VPS13B: variants seen among roughly 807,000 people sequenced by gnomAD.
VPS13B encodes the protein intermembrane lipid transfer protein VPS13B.
VPS13B carries 285 observed loss-of-function variants against 426.4 expected under a neutral mutation model. The ratio of observed to expected loss-of-function variants is 0.67; its 90% CI spans 0.61 to 0.74. VPS13B has a LOEUF of 0.74. Among genes scored for constraint, VPS13B ranks in the 30% least tolerant of loss-of-function variants. VPS13B has a pLI of 0.00. For missense variants in VPS13B, 4,537 were observed against 4,782.6 expected, an observed-to-expected ratio of 0.95 and a Z score of 1.51; for synonymous variants, 1,676 against 1,676.4, an observed-to-expected ratio of 1.00 and a Z score of 0.01.
intron 19 of VPS13B, among the ~76,000 whole-genome samples, chr8:99,325,745 G>GAGGAAACAGAC (rs6150726): frequency 6.6e-6 from 1 of 151,724 alleles, no homozygotes. Context: ...TCACTTTTGG[G>GAGGAAACAGAC]ATATCAGCTT....
Position 99,464,543 on chromosome 8 carries a change from A to G in VPS13B, c.3446-2871A>G, listed in dbSNP as rs537027531. 1.7e-4 allele frequency among the ~76,000 whole-genome samples: 26 copies of G among 152,278 alleles called. 1 individual carries two copies. In the Middle Eastern group the frequency reaches 0.024, roughly 139 times the overall value. The stretch of plus-strand genomic sequence containing the variant: ...CGCAACATTGACAAAAACGTTTTTT[A>G]TATCTATATTATTAAAATTATTTTT... On this transcript the variant is annotated intron_variant, in intron 23 of 61. Coordinates refer to ENST00000357162, the MANE Select transcript of VPS13B (RefSeq NM_152564.5).
intron 21 of VPS13B, among the ~76,000 whole-genome samples, chr8:99,430,659 C>G (rs1406733482): frequency 1.3e-5 from 2 of 151,358 alleles, no homozygotes; most frequent in Non-Finnish European, 2.9e-5. Flanking sequence ...AGAAATCTTC[C>G]TTTTATGTAA....
At chr8:99,313,392 G>A (rs1198423598) in intron 19 of VPS13B, among the ~76,000 whole-genome samples, 1 of 152,192 alleles carries the variant, frequency 6.6e-6, no homozygotes, top group Non-Finnish European at 1.5e-5. Context: ...TAACAGTCAG[G>A]ACCTTCAGCT....
At chr8:99,078,452 C>G (rs1305613890) in intron 3 of VPS13B, among the ~76,000 whole-genome samples, 4 of 151,164 alleles carry the variant, frequency 2.6e-5, no homozygotes, top group Admixed American at 2.0e-4. Flanking sequence ...TGTGATTTCC[C>G]CAGTGGCTTA....
chr8:99,606,277 G>A (rs1049719753), intron 33 of VPS13B, among the ~76,000 whole-genome samples: 4 of 151,920 alleles, frequency 2.6e-5, no homozygotes, highest in East Asian at 1.9e-4. Flanking sequence ...TATTATATTC[G>A]TGTTCTCTTG....
At chr8:99,338,691 A>T (rs1811066666) in intron 19 of VPS13B, among the ~76,000 whole-genome samples, 1 of 152,148 alleles carries the variant, frequency 6.6e-6, no homozygotes, top group East Asian at 1.9e-4. Context: ...ACATGGAAGC[A>T]TTATTTTGAA....
intron 17 of VPS13B, among the ~76,000 whole-genome samples, chr8:99,201,793 TTC>T: frequency 6.6e-6 from 1 of 152,360 alleles, no homozygotes; most frequent in South Asian, 2.1e-4. Flanking sequence ...GTCTTACTAT[TTC>T]TGTTGCGCAT....
intron 19 of VPS13B, chr8:99,341,063 A>G: frequency 3.7e-6 from 1 of 268,868 alleles, no homozygotes; most frequent in Non-Finnish European, 7.5e-6. Flanking sequence ...CTGATGCGGT[A>G]GTGTAATCAA....
At chr8:99,212,635 A>T in intron 17 of VPS13B, among the ~76,000 whole-genome samples, 1 of 147,502 alleles carries the variant, frequency 6.8e-6, no homozygotes, top group East Asian at 2.0e-4. Flanking sequence ...TTACCATATG[A>T]TTTAAGCTGA....
chr8:99,690,425 C>A (rs1249682051), intron 35 of VPS13B, among the ~76,000 whole-genome samples: 2 of 152,136 alleles, frequency 1.3e-5, no homozygotes, highest in African/African-American at 4.8e-5. Flanking sequence ...ACCAAAAGCA[C>A]AAGCAAAATA....
intron 30 of VPS13B, among the ~76,000 whole-genome samples, chr8:99,547,557 A>G (rs1362279695): frequency 6.6e-6 from 1 of 152,082 alleles, no homozygotes; most frequent in Non-Finnish European, 1.5e-5. Flanking sequence ...ATGGTTCAAC[A>G]TGAGCTGTTC....
chr8:99,583,732 G>A (rs947588250), intron 33 of VPS13B, among the ~76,000 whole-genome samples: 1 of 152,158 alleles, frequency 6.6e-6, no homozygotes, highest in South Asian at 2.1e-4. Flanking sequence ...AATAACAGAT[G>A]TCTTCTGGAA....
intron 40 of VPS13B, among the ~76,000 whole-genome samples, chr8:99,772,456 G>A (rs1049105201): frequency 6.6e-6 from 1 of 152,140 alleles, no homozygotes; most frequent in African/African-American, 2.4e-5. Context: ...GTCAGGGGCT[G>A]TGGGGAGGGG....
chr8:99,607,916 C>G (rs570471531), intron 33 of VPS13B, among the ~76,000 whole-genome samples: 2 of 151,992 alleles, frequency 1.3e-5, no homozygotes, highest in Non-Finnish European at 2.9e-5. Flanking sequence ...CTGGCATTTT[C>G]TCAAATTTGT....
chr8:99,378,947 C>T (rs866664066), intron 19 of VPS13B, among the ~76,000 whole-genome samples: 6 of 152,220 alleles, frequency 3.9e-5, no homozygotes, highest in East Asian at 3.9e-4. Flanking sequence ...ACCTCTGGGC[C>T]GTGGACCAGT....
At chr8:99,086,402 G>A (rs895948423) in intron 3 of VPS13B, among the ~76,000 whole-genome samples, 4 of 151,968 alleles carry the variant, frequency 2.6e-5, no homozygotes, top group Admixed American at 1.3e-4. Flanking sequence ...CCATTGGTTC[G>A]AACTTCCTCC....
intron 19 of VPS13B, among the ~76,000 whole-genome samples, chr8:99,308,412 G>C (rs897011245): frequency 3.9e-5 from 6 of 152,038 alleles, no homozygotes; most frequent in African/African-American, 1.2e-4. Flanking sequence ...TCCCACCTAT[G>C]AGTGAGAACA....
chr8:99,299,832 C>T (rs964287502), intron 19 of VPS13B, among the ~76,000 whole-genome samples: 4 of 152,084 alleles, frequency 2.6e-5, no homozygotes, highest in Non-Finnish European at 4.4e-5. Context: ...ATTGTTTGAA[C>T]CTGGGAGGTG....
At chr8:99,678,062 A>C (rs1350938634) in intron 35 of VPS13B, among the ~76,000 whole-genome samples, 1 of 152,222 alleles carries the variant, frequency 6.6e-6, no homozygotes, top group Non-Finnish European at 1.5e-5. Flanking sequence ...CTATTTCTAC[A>C]TATAGGTATT....
Sources: gnomAD v4.1 joint callset for allele counts (sites outside exome capture counted in the v4.1 genomes callset) on GRCh38, gnomAD v4.1.1 for gene constraint, MANE v1.5 for transcripts, NCBI Gene and HGNC (gene_info 2026-07-23, HGNC 2026-07-21) for gene names.